Variants in PSD3 observed in about 807,000 individuals in gnomAD.
PSD3 encodes pleckstrin and Sec7 domain containing 3, also known as PH and SEC7 domain-containing protein 3.
Under a neutral mutation model 105.5 loss-of-function variants are expected in PSD3, and 49 were observed. The ratio of observed to expected loss-of-function variants is 0.46; its 90% CI spans 0.37 to 0.59. The LOEUF (loss-of-function observed/expected upper bound fraction) is 0.59. Ranked by LOEUF, PSD3 falls within the 20% of genes least tolerant of loss-of-function variation. The pLI is 0.00. For synonymous variants in PSD3, 557 were observed against 457.8 expected (o/e 1.22, Z -2.77); for missense variants, 1,561 against 1,263.8 (o/e 1.24, Z -3.57).
At chr8:18,851,243 A>T (rs1395031478) in intron 4 of PSD3, among the ~76,000 whole-genome samples, 1 of 152,242 alleles carries the variant, frequency 6.6e-6, no homozygotes, top group Non-Finnish European at 1.5e-5. Context: ...GGACCAAGGA[A>T]GTCTTACCCA....
chr8:18,755,501 TACAA>T (rs1383703865), intron 9 of PSD3, among the ~76,000 whole-genome samples: 1 of 129,980 alleles, frequency 7.7e-6, no homozygotes, highest in African/African-American at 2.9e-5. Context: ...GCTCCAAACA[TACAA>T]ACATTCAAAC....
chr8:19,058,236 C>T (rs1467749371), intron 1 of PSD3, among the ~76,000 whole-genome samples: 1 of 151,948 alleles, frequency 6.6e-6, no homozygotes, highest in Non-Finnish European at 1.5e-5. Flanking sequence ...TTCTTGAAAG[C>T]ACTAAACTAC....
intron 1 of PSD3, among the ~76,000 whole-genome samples, chr8:18,970,563 C>G (rs1270577658): frequency 6.6e-6 from 1 of 152,050 alleles, no homozygotes; most frequent in African/African-American, 2.4e-5. Flanking sequence ...AACATCCTGG[C>G]ATGCTCCCCG....
At chr8:19,054,190 T>C (rs998070107) in intron 1 of PSD3, among the ~76,000 whole-genome samples, 1 of 152,134 alleles carries the variant, frequency 6.6e-6, no homozygotes, top group Non-Finnish European at 1.5e-5. Context: ...GATGGAGTCA[T>C]GTAAGTGAGG....
chr8:18,952,911 G>C (rs1265553105), intron 1 of PSD3, among the ~76,000 whole-genome samples: 1 of 152,146 alleles, frequency 6.6e-6, no homozygotes, highest in Non-Finnish European at 1.5e-5. Context: ...CCACAGGTCT[G>C]ACAGTAAAAA....
At chr8:18,713,638 A>T (rs904206786) in intron 9 of PSD3, among the ~76,000 whole-genome samples, 4 of 152,170 alleles carry the variant, frequency 2.6e-5, no homozygotes, top group Non-Finnish European at 5.9e-5. Context: ...AGATGATGCA[A>T]ACAAATGAAA....
At chr8:18,870,685 A>C (rs1328914527) in intron 3 of PSD3, among the ~76,000 whole-genome samples, 10 of 92,800 alleles carry the variant, frequency 1.1e-4, no homozygotes, top group African/African-American at 5.0e-5. Flanking sequence ...ATAATTTACA[A>C]AAAAAAAAAA....
In PSD3 at chr8:18,944,885, G is replaced by A. The variant is rs534226739; in HGVS notation, c.22-8743C>T. Reference sequence around the variant, plus strand: ...TCTGAGCATTTATTTACTTTCTCACGCCACAGAATGTTCCATGCTTCTCTT... The same window carrying A: ...TCTGAGCATTTATTTACTTTCTCACACCACAGAATGTTCCATGCTTCTCTT... On this transcript the variant is annotated intron_variant, in intron 1 of 15. Transcript: ENST00000327040. Among the ~76,000 whole-genome samples, 63 of 152,170 alleles carry A rather than the reference G, an allele frequency of 4.1e-4. No individual in the cohort carries two copies. The South Asian group carries it at 0.012, about 28-fold the overall frequency.
At chr8:18,808,903 T>A in intron 4 of PSD3, 1 of 1,554,088 alleles carries the variant, frequency 6.4e-7, no homozygotes, top group Non-Finnish European at 8.7e-7. Context: ...CCTGGCTCCC[T>A]GTGAGGTCAC....
In PSD3 at chr8:18,532,860, G is replaced by GCTA. The variant is rs1799689286; in HGVS notation, c.*2882_*2883insTAG. ...AATTTTGCAACAACACTATGACCAA[G>GCTA]GCATTCTGATAGCTGTCAAGATTTT... On this transcript the variant is annotated 3_prime_UTR_variant, in exon 16 of 16. Coordinates refer to ENST00000327040, the MANE Select transcript of PSD3 (RefSeq NM_015310.4). 1 of 152,178 alleles carries GCTA rather than the reference G, an allele frequency of 6.6e-6. No homozygotes were observed. Among genetic ancestry groups the GCTA allele is most frequent in the Non-Finnish European group, 1.5e-5 (1 of 68,042 alleles). 9.4% of individuals were successfully genotyped at this position (152,178 alleles called of 1,614,324 possible). A position where few individuals can be genotyped will look rare whatever the true frequency, so the allele number is the denominator to read the frequency against.
intron 9 of PSD3, among the ~76,000 whole-genome samples, chr8:18,738,060 CA>C (rs1804284630): frequency 6.6e-6 from 1 of 152,024 alleles, no homozygotes; most frequent in African/African-American, 2.4e-5. Flanking sequence ...GGGAGAAGGG[CA>C]AAGGAATGGA....
intron 6 of PSD3, among the ~76,000 whole-genome samples, chr8:18,802,663 C>G (rs1219241154): frequency 6.6e-6 from 1 of 152,144 alleles, no homozygotes; most frequent in Non-Finnish European, 1.5e-5. Context: ...ACACTCCAGT[C>G]CAAACATCCT....
At chr8:18,932,397 A>G (rs531563608) in intron 2 of PSD3, among the ~76,000 whole-genome samples, 65 of 152,328 alleles carry the variant, frequency 4.3e-4, no homozygotes, top group African/African-American at 1.5e-3. Context: ...AACACACACA[A>G]ACTCTAAAAA....
intron 11 of PSD3, among the ~76,000 whole-genome samples, chr8:18,630,282 G>T (rs183467457): frequency 1.3e-4 from 20 of 151,998 alleles, no homozygotes; most frequent in Admixed American, 5.3e-4. Flanking sequence ...AGATACAATG[G>T]CAGAAAAACT....
chr8:18,892,914 C>T (rs915564994), intron 2 of PSD3, among the ~76,000 whole-genome samples: 4 of 152,232 alleles, frequency 2.6e-5, no homozygotes, highest in East Asian at 1.9e-4. Flanking sequence ...TGTGAGCAAC[C>T]GTGCCCAGCC....
chr8:18,606,399 C>A (rs1249872428), intron 11 of PSD3, among the ~76,000 whole-genome samples: 1 of 152,150 alleles, frequency 6.6e-6, no homozygotes, highest in East Asian at 1.9e-4. Context: ...ATGCTTTATT[C>A]CTGGCCTAAC....
At chr8:18,957,351 C>T (rs1224819145) in intron 1 of PSD3, among the ~76,000 whole-genome samples, 2 of 138,406 alleles carry the variant, frequency 1.4e-5, no homozygotes, top group Non-Finnish European at 3.1e-5. Context: ...AGCCTGGTAA[C>T]AGAACAAGAC....
chr8:18,756,271 G>A (rs1053071938), intron 9 of PSD3, among the ~76,000 whole-genome samples: 1 of 151,956 alleles, frequency 6.6e-6, no homozygotes, highest in Non-Finnish European at 1.5e-5. Flanking sequence ...TACATACTCC[G>A]AATATAACTC....
intron 9 of PSD3, among the ~76,000 whole-genome samples, chr8:18,758,460 A>C (rs559209596): frequency 6.8e-6 from 1 of 146,442 alleles, no homozygotes; most frequent in Non-Finnish European, 1.5e-5. Flanking sequence ...TTTTGCTGTC[A>C]CTCCGTGTGA....
Sources: gnomAD v4.1 joint callset for allele counts (sites outside exome capture counted in the v4.1 genomes callset) on GRCh38, gnomAD v4.1.1 for gene constraint, MANE v1.5 for transcripts, NCBI Gene and HGNC (gene_info 2026-07-23, HGNC 2026-07-21) for gene names.